Variants in ZNF451 observed in about 807,000 individuals in gnomAD.
ZNF451 encodes the protein zinc finger protein 451.
ZNF451 carries 80 observed loss-of-function variants against 107.1 expected under a neutral mutation model. The observed-to-expected ratio is 0.75, with a 90% CI of 0.62 to 0.90. ZNF451 has a LOEUF of 0.90. ZNF451 is among the 40% of genes least tolerant of loss of function. The pLI is 0.00. For missense variants in ZNF451, 1,107 were observed against 1,236.2 expected, an observed-to-expected ratio of 0.90 and a Z score of 1.57; for synonymous variants, 362 against 406.5, an observed-to-expected ratio of 0.89 and a Z score of 1.32.
At chr6:57,131,493 C>T (rs1183616473) in intron 5 of ZNF451, among the ~76,000 whole-genome samples, 1 of 152,120 alleles carries the variant, frequency 6.6e-6, no homozygotes, top group Non-Finnish European at 1.5e-5. Context: ...ATTCTTACTA[C>T]ATTAAGAATG....
Position 57,160,790 on chromosome 6 carries a change from A to G in ZNF451, c.3071-294A>G, listed in dbSNP as rs139362611. The stretch of plus-strand genomic sequence containing the variant: ...GCCTTCGGTCTCTTATTATGAAAGC[A>G]CGTAAGACATCAGGTAAGTAAGTTT... On this transcript the variant is annotated intron_variant, in intron 13 of 14. Coordinates refer to ENST00000370706, the MANE Select transcript of ZNF451 (RefSeq NM_001031623.3). The G allele has an allele frequency of 1.3e-3, 310 of 246,208 alleles. 5 individuals are homozygous for G. In the East Asian group the frequency reaches 0.022, roughly 18 times the overall value. The allele number at this position is 246,208 out of a possible 1,614,324, so 15.3% of individuals were successfully genotyped here.
chr6:57,164,195 TGTG>T (rs919418327), intron 14 of ZNF451, among the ~76,000 whole-genome samples: 1 of 152,176 alleles, frequency 6.6e-6, no homozygotes, highest in Non-Finnish European at 1.5e-5. Flanking sequence ...TGCCGCATAA[TGTG>T]GTGGTGAAAA....
chr6:57,109,263 C>T (rs1041060844), intron 3 of ZNF451: 11 of 984,614 alleles, frequency 1.1e-5, no homozygotes, highest in African/African-American at 1.8e-5. Flanking sequence ...TTTCTTTGTT[C>T]AATGTTGTTT....
At chr6:57,098,949 C>T (rs1049497883) in intron 2 of ZNF451, 112 bp from the exon 3 acceptor site, 9 of 664,362 alleles carry the variant, frequency 1.4e-5, no homozygotes, top group Non-Finnish European at 1.9e-5. Context: ...CACAAAGCTC[C>T]CTCTTCAGAG....
chr6:57,157,296 T>C (rs1593170846), intron 13 of ZNF451, among the ~76,000 whole-genome samples: 1 of 152,316 alleles, frequency 6.6e-6, no homozygotes, highest in South Asian at 2.1e-4. Context: ...GATCATATGG[T>C]ATCATACTAG....
chr6:57,163,699 C>T (rs1562632237), intron 14 of ZNF451, among the ~76,000 whole-genome samples: 1 of 151,760 alleles, frequency 6.6e-6, no homozygotes, highest in Non-Finnish European at 1.5e-5. Context: ...ATCCGCCTGC[C>T]TCGGCCTCCC....
chr6:57,145,732 C>T (rs750141659), intron 9 of ZNF451, among the ~76,000 whole-genome samples: 4 of 152,032 alleles, frequency 2.6e-5, no homozygotes, highest in Non-Finnish European at 5.9e-5. Context: ...CATTCATTAT[C>T]GCTATTGTCA....
Position 57,148,259 on chromosome 6 carries a change from G to C in ZNF451, c.2174G>C (p.Arg725Pro), listed in dbSNP as rs142125848. 1.9e-6 allele frequency: 3 copies of C among 1,613,862 alleles called. No homozygotes were observed. The highest frequency in any genetic ancestry group is 2.5e-6 in the Non-Finnish European group (3 of 1,179,898). ...AGTAACCAGTTAACTTGTGGTTGCC[G>C]TGAGAGTTACATCTGTAAAGTCAAC... ...ETSNQLTCGC[R>P]ESYICKVNRK... The change falls in exon 10 of 15, where the codon CGT becomes CCT. Residue 725 changes from arginine to proline, a missense_variant. By Grantham distance (103) the Arg-to-Pro change is moderately radical. This residue lies in a region of ZNF451 where 608 missense variants were observed against 649.2 expected (regional missense o/e 0.94). Transcript: ENST00000370706.
At chr6:57,129,027 A>G (rs1831060007) in intron 5 of ZNF451, among the ~76,000 whole-genome samples, 187 bp downstream of exon 5, 1 of 152,130 alleles carries the variant, frequency 6.6e-6, no homozygotes, top group Non-Finnish European at 1.5e-5. Context: ...CTTCTTTGGC[A>G]CAAGTATATT....
rs1445137741 is a variant in ZNF451, at chr6:57,147,559, T to C, written c.1474T>C (p.Ser492Pro). The C allele has an allele frequency of 6.2e-7, 1 of 1,614,170 alleles. No homozygotes were observed. The highest frequency in any genetic ancestry group is 2.2e-5 in the East Asian group (1 of 44,888). Residue 492 changes from serine to proline, a missense_variant, in exon 10 of 15, where the codon TCA becomes CCA. Physicochemically the swap from Ser to Pro is moderately conservative, Grantham distance 74 (BLOSUM62 -1). Transcript: ENST00000370706. ...AGATGCAGTAGAAAAGCATGTTTTC[T>C]CAGCAAACACAATGGGTTATAAATG... is the stretch of plus-strand genomic sequence containing the variant. ...SEDAVEKHVFSANTMGYKCVV... is the reference protein window; with the variant it reads ...SEDAVEKHVFPANTMGYKCVV...
chr6:57,167,786 C>T (rs1763961282), intron 14 of ZNF451, among the ~76,000 whole-genome samples: 1 of 152,142 alleles, frequency 6.6e-6, no homozygotes. Flanking sequence ...TATTGTGAAC[C>T]CAATAACGTC....
intron 3 of ZNF451, among the ~76,000 whole-genome samples, chr6:57,121,804 C>G (rs1830652380): frequency 6.6e-6 from 1 of 152,082 alleles, no homozygotes; most frequent in Non-Finnish European, 1.5e-5. Flanking sequence ...GCCATTCTGC[C>G]CAAAGCATTC....
chr6:57,109,291 T>A, intron 3 of ZNF451: 1 of 984,550 alleles, frequency 1.0e-6, no homozygotes, highest in Middle Eastern at 5.2e-4. Context: ...TCATTTTGTT[T>A]CATATACACA....
chr6:57,147,850 G>T lies in ZNF451; in HGVS notation c.1765G>T (p.Ala589Ser), dbSNP rs1562622105. 6.2e-7 allele frequency: 1 copy of T among 1,614,120 alleles called. No homozygotes were observed. Among genetic ancestry groups the T allele is most frequent in the Non-Finnish European group, 8.5e-7 (1 of 1,179,980 alleles). ...TTTGACTGCTAACAAGCCTTCATCA[G>T]CTATTACTGTTATTGATCATTCCCC... ...DNLTANKPSSAITVIDHSPAN... is the reference protein window; with the variant it reads ...DNLTANKPSSSITVIDHSPAN... The change falls in exon 10 of 15, where the codon GCT becomes TCT. Residue 589 changes from alanine (A) to serine (S), a missense_variant. This residue lies in a region of ZNF451 where 608 missense variants were observed against 649.2 expected (regional missense o/e 0.94). Transcript: ENST00000370706.
chr6:57,111,414 T>TGAGG (rs1830109498), intron 3 of ZNF451, among the ~76,000 whole-genome samples: 1 of 151,386 alleles, frequency 6.6e-6, no homozygotes, highest in Non-Finnish European at 1.5e-5. Context: ...GGAGTCTCAC[T>TGAGG]CTGTCGCTGA....
chr6:57,099,744 A>G, intron 3 of ZNF451: 1 of 448,726 alleles, frequency 2.2e-6, no homozygotes, highest in South Asian at 4.5e-5. Flanking sequence ...AGCCCTTTGT[A>G]ACAGTCTTGC....
chr6:57,112,802 A>G (rs541656097), intron 3 of ZNF451, among the ~76,000 whole-genome samples: 6 of 152,298 alleles, frequency 3.9e-5, no homozygotes, highest in Admixed American at 1.3e-4. Flanking sequence ...TATTTCTATT[A>G]AAGTAATTTT....
At chr6:57,131,091 T>A (rs1303283709) in intron 5 of ZNF451, among the ~76,000 whole-genome samples, 2 of 152,138 alleles carry the variant, frequency 1.3e-5, no homozygotes, top group Non-Finnish European at 2.9e-5. Flanking sequence ...AGATTCTACT[T>A]CTCAGTAGCA....
intron 3 of ZNF451, chr6:57,104,264 A>T: frequency 1.0e-6 from 1 of 985,362 alleles, no homozygotes; most frequent in Non-Finnish European, 1.2e-6. Flanking sequence ...TGCACCAATC[A>T]AGCAATCCCA....
Sources: gnomAD v4.1 joint callset for allele counts (sites outside exome capture counted in the v4.1 genomes callset) on GRCh38, gnomAD v4.1.1 for gene constraint, gnomAD v4.1.1 regional missense constraint, MANE v1.5 for transcripts, NCBI Gene and HGNC (gene_info 2026-07-23, HGNC 2026-07-21) for gene names.